Variants in CA10 observed in about 807,000 individuals in gnomAD.
CA10 encodes carbonic anhydrase-related protein 10.
In CA10, 14 loss-of-function variants were observed where a neutral mutation model predicts 44.2. That is an observed-to-expected ratio of 0.32 (90% CI 0.21 to 0.50). CA10 has a LOEUF of 0.50. Ranked by LOEUF, CA10 falls within the 20% of genes least tolerant of loss-of-function variation. The pLI, the probability that CA10 is intolerant of heterozygous loss-of-function variation, is 0.99. For synonymous variants in CA10, 159 were observed against 141.6 expected, an observed-to-expected ratio of 1.12 and a Z score of -0.87; for missense variants, 350 against 409.7, an observed-to-expected ratio of 0.85 and a Z score of 1.26.
chr17:51,636,572 T>A (rs1289757273), intron 6 of CA10, among the ~76,000 whole-genome samples: 1 of 151,978 alleles, frequency 6.6e-6, no homozygotes, highest in Non-Finnish European at 1.5e-5. Context: ...GTTTGAGGAG[T>A]CCTTGATTCT....
At chr17:51,757,505 CTGAG>C (rs1430734286) in intron 3 of CA10, among the ~76,000 whole-genome samples, 3 of 152,238 alleles carry the variant, frequency 2.0e-5, no homozygotes, top group South Asian at 2.1e-4. Context: ...AATCAACCCA[CTGAG>C]TGTTTCTTGC....
chr17:51,840,310 T>C (rs931436724), intron 3 of CA10, among the ~76,000 whole-genome samples: 3 of 152,224 alleles, frequency 2.0e-5, no homozygotes, highest in Non-Finnish European at 4.4e-5. Flanking sequence ...TTTACTGAGT[T>C]TGTTGCCTTT....
At chr17:51,731,973 T>C (rs752196671) in intron 4 of CA10, among the ~76,000 whole-genome samples, 7 of 152,198 alleles carry the variant, frequency 4.6e-5, no homozygotes, top group African/African-American at 7.2e-5. Context: ...GTGCTAAGGT[T>C]ATCTCATACT....
intron 4 of CA10, among the ~76,000 whole-genome samples, chr17:51,725,043 A>G (rs570641001): frequency 2.0e-5 from 3 of 152,342 alleles, no homozygotes; most frequent in Middle Eastern, 3.4e-3. Flanking sequence ...ATTATATCCA[A>G]TTTCACAAAT....
chr17:51,914,702 T>C (rs1981924931), intron 3 of CA10, among the ~76,000 whole-genome samples: 1 of 152,152 alleles, frequency 6.6e-6, no homozygotes, highest in African/African-American at 2.4e-5. Context: ...GCTGCCTTCT[T>C]CCTAAGCCCT....
At chr17:51,981,086 T>C (rs1205558963) in intron 2 of CA10, among the ~76,000 whole-genome samples, 1 of 152,110 alleles carries the variant, frequency 6.6e-6, no homozygotes, top group Non-Finnish European at 1.5e-5. Context: ...AAGTATAAAA[T>C]GGTACTGCCA....
chr17:51,688,861 C>G (rs547535506), intron 4 of CA10, among the ~76,000 whole-genome samples: 3 of 152,332 alleles, frequency 2.0e-5, no homozygotes, highest in African/African-American at 7.2e-5. Flanking sequence ...TCCATCTCTT[C>G]TACCATATAC....
At chr17:51,897,235 T>C (rs898713812) in intron 3 of CA10, among the ~76,000 whole-genome samples, 1 of 152,138 alleles carries the variant, frequency 6.6e-6, no homozygotes, top group African/African-American at 2.4e-5. Context: ...CCACCTTGAA[T>C]TGATTTGATT....
chr17:51,661,702 T>C (rs1189716727), intron 4 of CA10: 1 of 152,190 alleles, frequency 6.6e-6, no homozygotes, highest in Non-Finnish European at 1.5e-5. Flanking sequence ...CGACATTGAG[T>C]CTGTTCTCCC....
At chr17:51,657,755 T>C (rs1188686578) in intron 4 of CA10, among the ~76,000 whole-genome samples, 1 of 152,200 alleles carries the variant, frequency 6.6e-6, no homozygotes, top group African/African-American at 2.4e-5. Context: ...CAGTGTCTGA[T>C]GTGAAACAGA....
intron 2 of CA10, among the ~76,000 whole-genome samples, chr17:52,055,875 C>T (rs1189559781): frequency 1.3e-5 from 2 of 152,046 alleles, no homozygotes; most frequent in Non-Finnish European, 2.9e-5. Context: ...AGGCAGATAG[C>T]CTCAAATAAA....
At chr17:51,930,176 T>C (rs920754783) in intron 3 of CA10, among the ~76,000 whole-genome samples, 1 of 152,060 alleles carries the variant, frequency 6.6e-6, no homozygotes, top group East Asian at 1.9e-4. Context: ...TATCAAAAGT[T>C]GTCAATAATT....
At chr17:51,750,503 T>A (rs1598026232) in intron 3 of CA10, among the ~76,000 whole-genome samples, 1 of 58,302 alleles carries the variant, frequency 1.7e-5, no homozygotes, top group South Asian at 6.4e-4. Context: ...GCCCTTTCAC[T>A]TTTTCATTAT....
chr17:52,001,036 CAT>C (rs1485021124), intron 2 of CA10, among the ~76,000 whole-genome samples: 1 of 151,946 alleles, frequency 6.6e-6, no homozygotes, highest in African/African-American at 2.4e-5. Flanking sequence ...CCATGCCTGA[CAT>C]GTACTGAGCA....
intron 2 of CA10, among the ~76,000 whole-genome samples, chr17:51,978,964 T>TCA (rs1984556562): frequency 2.0e-5 from 3 of 152,260 alleles, no homozygotes; most frequent in Admixed American, 6.5e-5. Context: ...CACAGCTACT[T>TCA]CACCCATGAC....
Position 51,821,477 on chromosome 17 carries a change from C to T in CA10, c.280-73659G>A, listed in dbSNP as rs1420943003. Among the ~76,000 whole-genome samples, 6 of 151,938 alleles carry T rather than the reference C, an allele frequency of 3.9e-5. No homozygotes were observed. In the South Asian group the frequency reaches 8.3e-4, roughly 21 times the overall value. Reference sequence around the variant, plus strand: ...TCATGAATCTGATCATTTGTCGTCTCCCCGCAGCTGCTCCCTTGGTCCAAA... The same window carrying T: ...TCATGAATCTGATCATTTGTCGTCTTCCCGCAGCTGCTCCCTTGGTCCAAA... On this transcript the variant is annotated intron_variant, in intron 3 of 8. Coordinates refer to ENST00000451037, the MANE Select transcript of CA10 (RefSeq NM_020178.5).
At chr17:51,717,839 A>ATG (rs1916209575) in intron 4 of CA10, among the ~76,000 whole-genome samples, 8 of 28,456 alleles carry the variant, frequency 2.8e-4, no homozygotes, top group South Asian at 1.3e-3. Context: ...GTATATATAT[A>ATG]TATATATATA....
chr17:51,689,280 A>G (rs1915108784), intron 4 of CA10, among the ~76,000 whole-genome samples: 1 of 152,252 alleles, frequency 6.6e-6, no homozygotes, highest in Non-Finnish European at 1.5e-5. Context: ...GGCCATTTAC[A>G]AATGAGAATC....
In CA10 at chr17:51,747,704, G is replaced by A. The variant is rs1447566129; in HGVS notation, c.394C>T (p.Arg132Ter). The part of the protein sequence containing the change: ...MTYSHRLEEI[R>*]LHFGSEDSQG... Reference sequence around the variant, plus strand: ...CTGTCCTCACTCCCAAAGTGTAGTCGGATCTCCTCCAGCCGGTGGCTGTAT... The same window carrying A: ...CTGTCCTCACTCCCAAAGTGTAGTCAGATCTCCTCCAGCCGGTGGCTGTAT... Residue 132 changes from arginine to a stop codon, truncating the protein, a stop_gained, in exon 4 of 9, where the codon CGA becomes TGA. Coordinates refer to ENST00000451037, the MANE Select transcript of CA10 (RefSeq NM_020178.5). LOFTEE classifies it high-confidence loss of function. 3 of 1,614,012 alleles carry A rather than the reference G, an allele frequency of 1.9e-6. No homozygotes were observed. The highest frequency in any genetic ancestry group is 1.3e-5 in the African/African-American group (1 of 74,916).
Sources: allele counts gnomAD v4.1 joint callset (sites outside exome capture counted in the v4.1 genomes callset), GRCh38; gene constraint gnomAD v4.1.1; transcripts MANE v1.5; gene names NCBI Gene and HGNC (gene_info 2026-07-23, HGNC 2026-07-21).